The following TRPC6 variants were observed in gnomAD, a reference collection of about 807,000 sequenced individuals.
The protein encoded by TRPC6 is transient receptor potential cation channel subfamily C member 6, also known as short transient receptor potential channel 6.
A neutral mutation model predicts 90.7 loss-of-function variants in TRPC6; 55 were observed. The observed-to-expected ratio is 0.61, with a 90% CI of 0.49 to 0.76. The LOEUF (loss-of-function observed/expected upper bound fraction) is 0.76. Ranked by LOEUF, TRPC6 falls within the 30% of genes least tolerant of loss-of-function variation. TRPC6 has a pLI of 0.00. For missense variants in TRPC6, 989 were observed against 1,122.7 expected (o/e 0.88, Z 1.70); for synonymous variants, 393 against 393.0 (o/e 1.00, Z 0.00).
chr11:101,551,025 A>C (rs902377224), intron 1 of TRPC6, among the ~76,000 whole-genome samples: 1 of 151,806 alleles, frequency 6.6e-6, no homozygotes, highest in Admixed American at 6.6e-5. Context: ...ATTAAGAGCA[A>C]CTATATGACT....
chr11:101,522,258 TAGTG>T (rs1860679756), intron 1 of TRPC6, among the ~76,000 whole-genome samples: 3 of 152,220 alleles, frequency 2.0e-5, no homozygotes, highest in Admixed American at 6.5e-5. Context: ...ATTCTCATGA[TAGTG>T]AGTGAGTTCT....
intron 9 of TRPC6, among the ~76,000 whole-genome samples, chr11:101,470,831 A>C: frequency 9.2e-6 from 1 of 108,680 alleles, no homozygotes; most frequent in Non-Finnish European, 1.8e-5. Context: ...CCCGAGTCAT[A>C]ACAAGCTGCT....
intron 1 of TRPC6, among the ~76,000 whole-genome samples, chr11:101,571,478 C>G (rs1861963156): frequency 6.6e-6 from 1 of 152,180 alleles, no homozygotes; most frequent in East Asian, 1.9e-4. Flanking sequence ...CTATCCCCAT[C>G]AAATTACCAT....
At chr11:101,557,917 A>T (rs937293349) in intron 1 of TRPC6, among the ~76,000 whole-genome samples, 1 of 152,172 alleles carries the variant, frequency 6.6e-6, no homozygotes, top group Non-Finnish European at 1.5e-5. Flanking sequence ...ACAAGAATTA[A>T]TATTATTAAA....
intron 1 of TRPC6, among the ~76,000 whole-genome samples, chr11:101,548,457 G>GATATATATAT (rs143790648): frequency 8.1e-5 from 10 of 123,476 alleles, no homozygotes; most frequent in South Asian, 3.1e-4. Flanking sequence ...TATATATACT[G>GATATATATAT]ATATATATAT....
intron 2 of TRPC6, among the ~76,000 whole-genome samples, chr11:101,496,398 C>T (rs1859950877): frequency 6.6e-6 from 1 of 152,180 alleles, no homozygotes. Context: ...GCACACTGAT[C>T]ATGGAGCTCT....
intron 1 of TRPC6, among the ~76,000 whole-genome samples, chr11:101,549,944 T>C (rs1246400237): frequency 6.6e-6 from 1 of 151,584 alleles, no homozygotes; most frequent in Non-Finnish European, 1.5e-5. Context: ...GTTAGCAGTA[T>C]AAAGAATGAT....
intron 1 of TRPC6, among the ~76,000 whole-genome samples, chr11:101,524,484 C>A (rs1446623363): frequency 6.6e-6 from 1 of 152,190 alleles, no homozygotes; most frequent in Non-Finnish European, 1.5e-5. Flanking sequence ...CTCATGACCT[C>A]GTGATCCACC....
chr11:101,514,961 C>T (rs995431554), intron 1 of TRPC6, among the ~76,000 whole-genome samples: 4 of 152,172 alleles, frequency 2.6e-5, no homozygotes, highest in African/African-American at 9.7e-5. Flanking sequence ...GGAATCCTTA[C>T]TCTGTCAGTT....
rs759529953 is a variant in TRPC6, at chr11:101,469,440, A to AGTGATAATTTTG, written c.2459_2470dup (p.Ser823_Leu824insProLysLeuSer). 1.3e-6 allele frequency: 1 copy of AGTGATAATTTTG among 772,796 alleles called. No individual in the cohort carries two copies. The highest frequency in any genetic ancestry group is 2.4e-5 in the East Asian group (1 of 41,026). The allele number at this position is 772,796 out of a possible 1,614,324, so 47.9% of individuals were successfully genotyped here. Reference sequence around the variant, plus strand: ...ATATGAGCTTACCTGTTTTTTGTCAAGTGATAATTTTGAAAGGTCTTCATG... The same window carrying AGTGATAATTTTG: ...ATATGAGCTTACCTGTTTTTTGTCAAGTGATAATTTTGGTGATAATTTTGAAAGGTCTTCATG... On this transcript the variant is annotated inframe_insertion, in exon 10 of 13. Transcript: ENST00000344327.
intron 4 of TRPC6, among the ~76,000 whole-genome samples, chr11:101,487,414 T>G (rs1259549803): frequency 6.6e-6 from 1 of 152,136 alleles, no homozygotes; most frequent in African/African-American, 2.4e-5. Flanking sequence ...ACCAGTGCAA[T>G]TTTGTTACAC....
intron 2 of TRPC6, among the ~76,000 whole-genome samples, chr11:101,503,748 A>G (rs1014977725): frequency 3.9e-5 from 6 of 152,128 alleles, no homozygotes; most frequent in Non-Finnish European, 8.8e-5. Context: ...GCCTTCATTT[A>G]CCCATCTAGA....
At chr11:101,518,346 GA>G (rs561104792) in intron 1 of TRPC6, among the ~76,000 whole-genome samples, 1 of 151,534 alleles carries the variant, frequency 6.6e-6, no homozygotes, top group African/African-American at 2.4e-5. Flanking sequence ...AACCATACAG[GA>G]AAAAAAATTA....
At chr11:101,527,560 G>A (rs1298966760) in intron 1 of TRPC6, among the ~76,000 whole-genome samples, 2 of 152,068 alleles carry the variant, frequency 1.3e-5, no homozygotes, top group African/African-American at 2.4e-5. Context: ...GTGGTTGGGG[G>A]GTGGTGTGCA....
At chr11:101,475,881 T>C (rs965810452) in intron 6 of TRPC6, among the ~76,000 whole-genome samples, 1 of 151,788 alleles carries the variant, frequency 6.6e-6, no homozygotes, top group Admixed American at 6.6e-5. Context: ...TACATATACA[T>C]ATATACACGT....
At chr11:101,558,226 CATGTATATGGGTATACATGTATAT>C (rs1324759509) in intron 1 of TRPC6, among the ~76,000 whole-genome samples, 1,167 of 85,136 alleles carry the variant, frequency 0.014, 60 homozygotes, top group African/African-American at 0.027. Flanking sequence ...TATATGTATA[CATGTATATGGGTATACATGTATAT>C]ATGTATACAT....
intron 5 of TRPC6, among the ~76,000 whole-genome samples, chr11:101,479,890 CTG>C (rs945798823): frequency 3.3e-5 from 5 of 152,122 alleles, no homozygotes; most frequent in African/African-American, 4.8e-5. Context: ...TAAAATAAAA[CTG>C]AGACGGCTGG....
chr11:101,501,356 A>C (rs892472211), intron 2 of TRPC6, among the ~76,000 whole-genome samples: 2 of 152,080 alleles, frequency 1.3e-5, no homozygotes, highest in African/African-American at 4.8e-5. Flanking sequence ...ATGATTTTTT[A>C]AACTTCCTTC....
At chr11:101,477,934 C>G (rs534372828) in intron 5 of TRPC6, among the ~76,000 whole-genome samples, 134 of 152,306 alleles carry the variant, frequency 8.8e-4, no homozygotes, top group Non-Finnish European at 1.4e-3. Flanking sequence ...AGATACTCTA[C>G]TCTGACATCC....
Sources: allele counts gnomAD v4.1 joint callset (sites outside exome capture counted in the v4.1 genomes callset), GRCh38; gene constraint gnomAD v4.1.1; transcripts MANE v1.5; gene names NCBI Gene and HGNC (gene_info 2026-07-23, HGNC 2026-07-21).